CYTH3: variants seen among roughly 807,000 people sequenced by gnomAD.
CYTH3 encodes the protein cytohesin-3.
In CYTH3, 23 loss-of-function variants were observed where a neutral mutation model predicts 55.1. The ratio of observed to expected loss-of-function variants is 0.42; its 90% CI spans 0.30 to 0.59. The LOEUF (loss-of-function observed/expected upper bound fraction) is 0.59, where lower values mean the gene tolerates loss of function less well. Ranked by LOEUF, CYTH3 falls within the 20% of genes least tolerant of loss-of-function variation. CYTH3 has a pLI of 0.20. For missense variants in CYTH3, 413 were observed against 524.8 expected (o/e 0.79, Z 2.08); for synonymous variants, 249 against 194.9 (o/e 1.28, Z -2.31).
intron 1 of CYTH3, among the ~76,000 whole-genome samples, chr7:6,214,164 G>A (rs574524770): frequency 2.0e-5 from 3 of 152,290 alleles, no homozygotes; most frequent in East Asian, 3.9e-4. Flanking sequence ...TGGATGGATC[G>A]ATGAGAGACG....
chr7:6,262,071 C>T (rs771720859), intron 1 of CYTH3, among the ~76,000 whole-genome samples: 5 of 151,908 alleles, frequency 3.3e-5, no homozygotes, highest in African/African-American at 9.7e-5. Context: ...ACTCAATAAA[C>T]GAGTTCAACA....
chr7:6,227,677 G>T (rs1779290113), intron 1 of CYTH3, among the ~76,000 whole-genome samples: 1 of 152,142 alleles, frequency 6.6e-6, no homozygotes, highest in African/African-American at 2.4e-5. Flanking sequence ...AAACCAAAGG[G>T]AAGCATTTAC....
chr7:6,175,365 T>TA (rs1783318474), intron 5 of CYTH3, among the ~76,000 whole-genome samples: 1 of 152,166 alleles, frequency 6.6e-6, no homozygotes, highest in Non-Finnish European at 1.5e-5. Flanking sequence ...TACCTACTTT[T>TA]ACCCAGCACC....
At chr7:6,185,500 T>G (rs368493749) in intron 4 of CYTH3, among the ~76,000 whole-genome samples, 54 of 151,910 alleles carry the variant, frequency 3.6e-4, no homozygotes, top group South Asian at 8.3e-4. Flanking sequence ...ATCGAGACCA[T>G]CCTAGCTAAC....
At chr7:6,248,733 C>T (rs1442650892) in intron 1 of CYTH3, among the ~76,000 whole-genome samples, 1 of 152,212 alleles carries the variant, frequency 6.6e-6, no homozygotes, top group Non-Finnish European at 1.5e-5. Context: ...CACCACATCT[C>T]CATATGTTCC....
At chr7:6,253,832 A>G (rs1241660971) in intron 1 of CYTH3, among the ~76,000 whole-genome samples, 8 of 150,948 alleles carry the variant, frequency 5.3e-5, no homozygotes, top group African/African-American at 2.0e-4. Context: ...AAAAATAAAT[A>G]AATAAACAAA....
chr7:6,180,665 AATACACTAGGTAAATACTC>A (rs1783483083), intron 4 of CYTH3, among the ~76,000 whole-genome samples: 1 of 152,380 alleles, frequency 6.6e-6, no homozygotes, highest in South Asian at 2.1e-4. Context: ...CTAGAATACT[AATACACTAGGTAAATACTC>A]ATAAAAGAAA....
intron 1 of CYTH3, among the ~76,000 whole-genome samples, chr7:6,200,128 AGATAC>A (rs1203830655): frequency 6.6e-6 from 1 of 152,238 alleles, no homozygotes; most frequent in Non-Finnish European, 1.5e-5. Context: ...AGATTGTCAC[AGATAC>A]TCATATTAAA....
chr7:6,186,336 C>T (rs1329349715), intron 4 of CYTH3, among the ~76,000 whole-genome samples: 1 of 151,964 alleles, frequency 6.6e-6, no homozygotes, highest in Non-Finnish European at 1.5e-5. Context: ...GTGGACACGC[C>T]GTTCCTCTCC....
At chr7:6,213,064 A>G (rs1261143929) in intron 1 of CYTH3, among the ~76,000 whole-genome samples, 1 of 152,228 alleles carries the variant, frequency 6.6e-6, no homozygotes, top group Non-Finnish European at 1.5e-5. Flanking sequence ...CTTATTGTTT[A>G]GTTTATGTCT....
chr7:6,205,875 TAAAAAAAAAAAA>T (rs370194149), intron 1 of CYTH3, among the ~76,000 whole-genome samples: 212 of 28,096 alleles, frequency 7.5e-3, no homozygotes, highest in Middle Eastern at 0.052. Flanking sequence ...TCCTATCTCT[TAAAAAAAAAAAA>T]AAAAAAAAAA....
intron 1 of CYTH3, among the ~76,000 whole-genome samples, chr7:6,216,792 T>A: frequency 7.1e-6 from 1 of 140,662 alleles, no homozygotes; most frequent in African/African-American, 2.7e-5. Flanking sequence ...TACACACACA[T>A]ATGTCAAACT....
chr7:6,236,210 T>C (rs1213968141), intron 1 of CYTH3, among the ~76,000 whole-genome samples: 1 of 151,964 alleles, frequency 6.6e-6, no homozygotes, highest in Non-Finnish European at 1.5e-5. Context: ...ACCCCCCCCT[T>C]ATTTTTTTTG....
chr7:6,241,028 T>C (rs1353655312), intron 1 of CYTH3, among the ~76,000 whole-genome samples: 2 of 151,490 alleles, frequency 1.3e-5, no homozygotes, highest in African/African-American at 4.9e-5. Context: ...AGGCTGAGGC[T>C]GGAGAATCGC....
rs1483409703 is a variant in CYTH3 at position 6,163,165 on chromosome 7, T to G, written c.*1779A>C. 1 of 152,770 alleles carries G rather than the reference T, an allele frequency of 6.5e-6. No homozygotes were observed. The highest frequency in any genetic ancestry group is 2.1e-4 in the South Asian group (1 of 4,832). 9.5% of individuals were successfully genotyped at this position (152,770 alleles called of 1,614,324 possible). A position where few individuals can be genotyped will look rare whatever the true frequency, so the allele number is the denominator to read the frequency against. ...GGCCTCGGACCCCTCTGCAGTCTAG[T>G]GTGACTTAAAGCTACATCAAGGTCA... On this transcript the variant is annotated 3_prime_UTR_variant, in exon 13 of 13. Coordinates refer to ENST00000350796, the MANE Select transcript of CYTH3 (RefSeq NM_004227.4).
At chr7:6,211,987 A>AAAAT (rs551138963) in intron 1 of CYTH3, among the ~76,000 whole-genome samples, 50 of 152,230 alleles carry the variant, frequency 3.3e-4, no homozygotes, top group Admixed American at 7.2e-4. Flanking sequence ...CGCTGTCTCA[A>AAAAT]AAATAAATAA....
At chr7:6,224,137 C>G (rs1779170955) in intron 1 of CYTH3, among the ~76,000 whole-genome samples, 1 of 152,126 alleles carries the variant, frequency 6.6e-6, no homozygotes, top group South Asian at 2.1e-4. Flanking sequence ...CCTGCCTCAG[C>G]CTCCTGAGTA....
intron 1 of CYTH3, among the ~76,000 whole-genome samples, chr7:6,193,058 G>C (rs1783840853): frequency 6.6e-6 from 1 of 150,580 alleles, no homozygotes; most frequent in Non-Finnish European, 1.5e-5. Flanking sequence ...TGTAATCCCA[G>C]TTACTGGGGA....
chr7:6,185,592 C>T (rs1462357683), intron 4 of CYTH3, among the ~76,000 whole-genome samples: 4 of 151,460 alleles, frequency 2.6e-5, no homozygotes, highest in African/African-American at 4.9e-5. Flanking sequence ...CCCAGCTACT[C>T]GGGAGGCTGA....
Sources: allele counts gnomAD v4.1 joint callset (sites outside exome capture counted in the v4.1 genomes callset), GRCh38; gene constraint gnomAD v4.1.1; transcripts MANE v1.5; gene names NCBI Gene and HGNC (gene_info 2026-07-23, HGNC 2026-07-21).